PDE1C: variants seen among roughly 807,000 people sequenced by gnomAD.
PDE1C encodes the protein dual specificity calcium/calmodulin-dependent 3',5'-cyclic nucleotide phosphodiesterase 1C.
Under a neutral mutation model 93.1 loss-of-function variants are expected in PDE1C, and 62 were observed. That is an observed-to-expected ratio of 0.67 (90% CI 0.54 to 0.82). The LOEUF is 0.82. Ranked by LOEUF, PDE1C falls within the 40% of genes least tolerant of loss-of-function variation. The pLI, the probability that PDE1C is intolerant of heterozygous loss-of-function variation, is 0.00. For missense variants in PDE1C, 742 were observed against 884.6 expected, an observed-to-expected ratio of 0.84 and a Z score of 2.04; for synonymous variants, 325 against 310.1, an observed-to-expected ratio of 1.05 and a Z score of -0.50.
intron 16 of PDE1C, among the ~76,000 whole-genome samples, chr7:31,794,517 GTTC>G (rs1465326504): frequency 3.3e-5 from 5 of 151,896 alleles, no homozygotes; most frequent in Non-Finnish European, 7.4e-5. Context: ...AACTGTCTCT[GTTC>G]TTCTGTCTCA....
the PDE1C span, among the ~76,000 whole-genome samples, chr7:31,619,037 T>C: frequency 6.6e-6 from 1 of 152,220 alleles, no homozygotes; most frequent in African/African-American, 2.4e-5. Context: ...CTCTCTGCTC[T>C]CTTCCCTGAT....
At chr7:31,859,870 G>A (rs1794470809) in intron 7 of PDE1C, among the ~76,000 whole-genome samples, 1 of 152,084 alleles carries the variant, frequency 6.6e-6, no homozygotes, top group Non-Finnish European at 1.5e-5. Flanking sequence ...TATACATCAT[G>A]TAGAACATAT....
At chr7:31,697,193 G>C in the PDE1C span, 4 of 1,543,770 alleles carry the variant, frequency 2.6e-6, no homozygotes, top group African/African-American at 5.5e-5. Flanking sequence ...GAGGTCCCCA[G>C]GGCCTGGCCG....
chr7:32,361,913 C>A (rs968726521), intron 1 of PDE1C, among the ~76,000 whole-genome samples: 3 of 152,138 alleles, frequency 2.0e-5, no homozygotes, highest in African/African-American at 7.2e-5. Context: ...AGAGTTCAAG[C>A]CTAGGTTTCT....
At chr7:32,017,442 T>C (rs1222414217) in intron 2 of PDE1C, among the ~76,000 whole-genome samples, 1 of 152,158 alleles carries the variant, frequency 6.6e-6, no homozygotes, top group East Asian at 1.9e-4. Context: ...GATTAGGCAT[T>C]AGTTTCTTAG....
intron 3 of PDE1C, among the ~76,000 whole-genome samples, chr7:32,131,053 CAA>C (rs1220679223): frequency 1.3e-5 from 2 of 152,110 alleles, no homozygotes; most frequent in Non-Finnish European, 2.9e-5. Flanking sequence ...CACATTCCAC[CAA>C]AGAGTGCTGG....
At chr7:32,186,364 A>T (rs1332693537) in intron 2 of PDE1C, among the ~76,000 whole-genome samples, 2 of 150,856 alleles carry the variant, frequency 1.3e-5, no homozygotes, top group Non-Finnish European at 3.0e-5. Context: ...GGCCTCCCAA[A>T]GTGCTGGGAT....
At chr7:31,704,190 G>A in the PDE1C span, among the ~76,000 whole-genome samples, 1 of 152,188 alleles carries the variant, frequency 6.6e-6, no homozygotes, top group South Asian at 2.1e-4. Context: ...ACTAGAAAGG[G>A]ATCAGGATGT....
In PDE1C at chr7:31,865,282, C is replaced by T. The variant is rs547296165; in HGVS notation, c.610-200G>A. ...CAGGAAGTCCTTGGTTGAGAAATAG[C>T]CTGCCTTGTAAATTTTTCTTTGTTG... On this transcript the variant is annotated intron_variant, in intron 6 of 17. Coordinates refer to ENST00000396191, the MANE Select transcript of PDE1C (RefSeq NM_001191057.4). 4.7e-4 allele frequency among the ~76,000 whole-genome samples: 72 copies of T among 152,252 alleles called. 1 individual carries two copies. Among genetic ancestry groups the T allele is most frequent in the South Asian group, 2.3e-3 (11 of 4,826 alleles).
intron 2 of PDE1C, among the ~76,000 whole-genome samples, chr7:32,003,203 G>A (rs1021860458): frequency 5.9e-5 from 9 of 152,200 alleles, no homozygotes; most frequent in African/African-American, 2.2e-4. Flanking sequence ...TCCCTTTAAT[G>A]AGTTCACTTG....
At chr7:32,183,337 T>G (rs374170427) in intron 2 of PDE1C, among the ~76,000 whole-genome samples, 1 of 152,078 alleles carries the variant, frequency 6.6e-6, no homozygotes, top group Non-Finnish European at 1.5e-5. Context: ...GAGCCCGCAT[T>G]GCCAAGTCAA....
chr7:32,107,967 AG>A (rs1374104331), intron 3 of PDE1C, among the ~76,000 whole-genome samples: 2 of 151,812 alleles, frequency 1.3e-5, no homozygotes, highest in African/African-American at 2.4e-5. Flanking sequence ...TGCAAATTCT[AG>A]GGCAATCAAA....
intron 1 of PDE1C, among the ~76,000 whole-genome samples, chr7:32,305,820 C>T (rs1585098978): frequency 6.6e-6 from 1 of 152,220 alleles, no homozygotes; most frequent in East Asian, 1.9e-4. Context: ...TGGAAGCAGC[C>T]CCATGCCAGG....
At chr7:32,282,500 A>AGATAGATAGATAGATAGATAGATAGATC in intron 1 of PDE1C, among the ~76,000 whole-genome samples, 1 of 152,056 alleles carries the variant, frequency 6.6e-6, no homozygotes, top group Non-Finnish European at 1.5e-5. Flanking sequence ...ATAGATAGAT[A>AGATAGATAGATAGATAGATAGATAGATC]GATAGATAGA....
chr7:32,410,432 G>A (rs1486655233), intron 1 of PDE1C, among the ~76,000 whole-genome samples: 1 of 151,912 alleles, frequency 6.6e-6, no homozygotes, highest in Non-Finnish European at 1.5e-5. Context: ...AGGAAGAGGA[G>A]GAGGAGGAGG....
At chr7:31,942,126 A>G (rs1457718401) in intron 2 of PDE1C, among the ~76,000 whole-genome samples, 1 of 152,114 alleles carries the variant, frequency 6.6e-6, no homozygotes, top group East Asian at 1.9e-4. Context: ...ACAGTCACTA[A>G]ATGTCTTCCT....
At chr7:31,987,244 C>G (rs1056968769) in intron 2 of PDE1C, among the ~76,000 whole-genome samples, 1 of 152,180 alleles carries the variant, frequency 6.6e-6, no homozygotes, top group African/African-American at 2.4e-5. Context: ...AAAGAAACAA[C>G]CAGCTCTCGA....
chr7:31,790,417 CA>C (rs1300198244), intron 16 of PDE1C, among the ~76,000 whole-genome samples: 2 of 152,044 alleles, frequency 1.3e-5, no homozygotes, highest in African/African-American at 4.8e-5. Context: ...TCCCTTGTAA[CA>C]AGATTTGTTC....
the PDE1C span, among the ~76,000 whole-genome samples, chr7:31,617,748 T>C: frequency 6.6e-6 from 1 of 152,162 alleles, no homozygotes; most frequent in Non-Finnish European, 1.5e-5. Flanking sequence ...CTACCTAAAA[T>C]GAGTTCAATG....
Sources: allele counts gnomAD v4.1 joint callset (sites outside exome capture counted in the v4.1 genomes callset), GRCh38; gene constraint gnomAD v4.1.1; transcripts MANE v1.5; gene names NCBI Gene and HGNC (gene_info 2026-07-23, HGNC 2026-07-21).